The following YME1L1 variants were observed in gnomAD, a reference collection of about 807,000 sequenced individuals.
The protein encoded by YME1L1 is YME1 like 1 ATPase, also known as ATP-dependent zinc metalloprotease YME1L1.
In YME1L1, 39 loss-of-function variants were observed where a neutral mutation model predicts 90.4. That is an observed-to-expected ratio of 0.43 (90% confidence interval 0.33 to 0.56). The LOEUF (loss-of-function observed/expected upper bound fraction) is 0.56, where lower values mean the gene tolerates loss of function less well. Among genes scored for constraint, YME1L1 ranks in the 20% least tolerant of loss-of-function variants. The pLI is 0.03. For synonymous variants in YME1L1, 284 were observed against 287.3 expected (o/e 0.99, Z 0.12); for missense variants, 617 against 868.4 (o/e 0.71, Z 3.64).
chr10:27,119,165 T>C (rs1374399398), intron 14 of YME1L1, 129 bp downstream of exon 14: 3 of 947,436 alleles, frequency 3.2e-6, no homozygotes. Flanking sequence ...ACCCAGACAC[T>C]GAAGTTTTAG....
chr10:27,114,309 G>T (rs1030716588), intron 18 of YME1L1, among the ~76,000 whole-genome samples: 2 of 152,220 alleles, frequency 1.3e-5, no homozygotes, highest in Non-Finnish European at 2.9e-5. Flanking sequence ...GAACAGAGAG[G>T]TGCCTTAATA....
chr10:27,134,115 T>C lies in YME1L1; in HGVS notation c.699A>G (p.Leu233=). ...QALTQKTNDS[L]RRTRLILFVL... The stretch of plus-strand genomic sequence containing the variant: ...CGAAGAGAATCAGACGGGTTCGCCT[T>C]AGGGAATCTAGGAGAGAAAGAAAAA... The change falls in exon 7 of 19, where the codon CTA becomes CTG. Residue 233 remains leucine, a synonymous_variant. Transcript: ENST00000376016. The C allele has an allele frequency of 6.2e-7, 1 of 1,610,992 alleles. No individual in the cohort carries two copies. Among genetic ancestry groups the C allele is most frequent in the Non-Finnish European group, 8.5e-7 (1 of 1,178,648 alleles).
In YME1L1 at chr10:27,148,897, A is replaced by C; in HGVS notation, c.168+9T>G. 6.2e-7 allele frequency: 1 copy of C among 1,613,496 alleles called. No individual in the cohort carries two copies. The highest frequency in any genetic ancestry group is 8.5e-7 in the Non-Finnish European group (1 of 1,179,898). On this transcript the variant is annotated intron_variant, in intron 2 of 18. Transcript: ENST00000376016. ...AAGGCTTTCTCACACAACCAGGATA[A>C]AGACTTACCTCACTGCTGGGAGCCT... is the stretch of plus-strand genomic sequence containing the variant.
rs1018168973 is a variant in YME1L1, at chr10:27,154,367, G to A, written c.-157C>T. 3.1e-5 allele frequency: 26 copies of A among 829,038 alleles called. No homozygotes were observed. The African/African-American group carries it at 4.0e-4, about 13-fold the overall frequency. The allele number at this position is 829,038 out of a possible 1,614,324, so 51.4% of individuals were successfully genotyped here. A position where few individuals can be genotyped will look rare whatever the true frequency, so the allele number is the denominator to read the frequency against. On this transcript the variant is annotated 5_prime_UTR_variant, in exon 1 of 19. Coordinates refer to ENST00000376016, the MANE Select transcript of YME1L1 (RefSeq NM_014263.4). ...CGGAAAATGGCCTCCCCTTCCTACA[G>A]CTACTGCAACGACAGACAATCCGCC...
chr10:27,115,971 A>C, intron 17 of YME1L1, 89 bp downstream of exon 17: 1 of 1,179,868 alleles, frequency 8.5e-7, no homozygotes, highest in Non-Finnish European at 1.2e-6. Context: ...AGAAAAAGTG[A>C]ATATTACCAA....
intron 1 of YME1L1, among the ~76,000 whole-genome samples, chr10:27,149,265 T>C (rs903432034): frequency 2.6e-5 from 4 of 152,160 alleles, no homozygotes; most frequent in Non-Finnish European, 5.9e-5. Context: ...AATACATACA[T>C]TTCTTGTTTG....
chr10:27,136,414 CTATA>C, intron 4 of YME1L1, 29 bp from the exon 5 acceptor site: 1 of 1,565,330 alleles, frequency 6.4e-7, no homozygotes, highest in Non-Finnish European at 8.8e-7. Context: ...TTCACTGTCA[CTATA>C]AATTGTTACA....
rs1186952077 is a variant in YME1L1, at chr10:27,136,439, A to AATGCCT, written c.431-60_431-55dup. ...CTATAAATTGTTACAGGAAAAGAAA[A>AATGCCT]ATGCCTAAGATTCTAAAGTCTGACA... is the stretch of plus-strand genomic sequence containing the variant. On this transcript the variant is annotated intron_variant, in intron 4 of 18. Transcript: ENST00000376016. 2.1e-6 allele frequency: 3 copies of AATGCCT among 1,448,616 alleles called. No individual in the cohort carries two copies. In the African/African-American group the frequency reaches 4.2e-5, roughly 20 times the overall value. The allele number at this position is 1,448,616 out of a possible 1,614,324, so 89.7% of individuals were successfully genotyped here.
At chr10:27,138,141 T>C (rs978033107) in intron 4 of YME1L1, among the ~76,000 whole-genome samples, 1 of 152,142 alleles carries the variant, frequency 6.6e-6, no homozygotes, top group African/African-American at 2.4e-5. Context: ...CATTTGCTTA[T>C]TGATTCAAAA....
In YME1L1 at chr10:27,120,451, T is replaced by C; in HGVS notation, c.1395A>G (p.Lys465=). ...RTEILKWYLN[K]IKFDQSVDPE... ...GATACTTACATTGATCAAACTTTAT[T>C]TTATTGAGATACCATTTCAAAATTT... The change falls in exon 13 of 19, where the codon AAA becomes AAG. Residue 465 remains lysine (K), a synonymous_variant. Transcript: ENST00000376016. The C allele has an allele frequency of 6.2e-7, 1 of 1,612,874 alleles. No individual in the cohort carries two copies. The highest frequency in any genetic ancestry group is 8.5e-7 in the Non-Finnish European group (1 of 1,179,056).
At chr10:27,117,279 A>C (rs540118051) in intron 15 of YME1L1, among the ~76,000 whole-genome samples, 1 of 152,332 alleles carries the variant, frequency 6.6e-6, no homozygotes, top group Non-Finnish European at 1.5e-5. Context: ...TAGATATTTA[A>C]GAATTAGGCA....
chr10:27,153,653 C>T (rs945085195), intron 1 of YME1L1, among the ~76,000 whole-genome samples: 4 of 152,150 alleles, frequency 2.6e-5, no homozygotes, highest in African/African-American at 9.7e-5. Flanking sequence ...CGGAAATACA[C>T]ATTTTAGTTA....
rs1260560208 is a variant in YME1L1, at chr10:27,116,139, A to G, written c.1847-6T>C. The G allele has an allele frequency of 3.1e-6, 5 of 1,613,784 alleles. No individual in the cohort carries two copies. The highest frequency in any genetic ancestry group is 1.7e-6 in the Non-Finnish European group (2 of 1,179,892). On this transcript the variant is annotated splice_polypyrimidine_tract_variant and splice_region_variant and intron_variant, in intron 16 of 18. Coordinates refer to ENST00000376016, the MANE Select transcript of YME1L1 (RefSeq NM_014263.4). ...ATCAAAATCACTGGAAGCACCTAAAATAAAATAAAAACATACCATTTTAAA... is the reference window on the plus strand; with the variant it reads ...ATCAAAATCACTGGAAGCACCTAAAGTAAAATAAAAACATACCATTTTAAA...
rs1159365879 is a variant in YME1L1, at chr10:27,123,539, A to G, written c.1102+8T>C. 1.9e-6 allele frequency: 3 copies of G among 1,613,354 alleles called. No individual in the cohort carries two copies. Among genetic ancestry groups the G allele is most frequent in the Admixed American group, 1.7e-5 (1 of 59,922 alleles). The stretch of plus-strand genomic sequence containing the variant: ...TTAGCACTGCATCAAAGATACACCA[A>G]AACGTACTAAAAAGATTTCTGATAC... On this transcript the variant is annotated splice_region_variant and intron_variant, in intron 10 of 18. Transcript: ENST00000376016.
At chr10:27,134,252 T>C in intron 6 of YME1L1, 130 bp from the exon 7 acceptor site, 1 of 736,998 alleles carries the variant, frequency 1.4e-6, no homozygotes, top group Non-Finnish European at 2.2e-6. Flanking sequence ...TGGCATTCTT[T>C]CTCACAACTG....
intron 8 of YME1L1, among the ~76,000 whole-genome samples, chr10:27,128,618 A>T (rs1251104126): frequency 6.6e-6 from 1 of 151,940 alleles, no homozygotes; most frequent in African/African-American, 2.4e-5. Flanking sequence ...AAAGAAAGAT[A>T]AATCAGCTGG....
chr10:27,140,541 C>T (rs113024773), intron 4 of YME1L1, among the ~76,000 whole-genome samples: 8,524 of 152,106 alleles, frequency 0.056, 251 homozygotes, highest in African/African-American at 0.083. Flanking sequence ...TTCAGTGGCG[C>T]GGTCTCGGCT....
chr10:27,122,969 T>C lies in YME1L1; in HGVS notation c.1107A>G (p.Glu369=). ...TAACACAAGGAGCATTCGCCTTTGC[T>C]TCCCCTAAGAAAACAAAAAACATTC... The part of the protein sequence containing the change: ...GASRIRNLFR[E]AKANAPCVIF... The change falls in exon 11 of 19, where the codon GAA becomes GAG. Residue 369 remains glutamate, a synonymous_variant. Coordinates refer to ENST00000376016, the MANE Select transcript of YME1L1 (RefSeq NM_014263.4). 1 of 1,609,736 alleles carries C rather than the reference T, an allele frequency of 6.2e-7. No homozygotes were observed. The highest frequency in any genetic ancestry group is 8.5e-7 in the Non-Finnish European group (1 of 1,178,888).
At chr10:27,131,196 T>C (rs2056974396) in intron 8 of YME1L1, among the ~76,000 whole-genome samples, 1 of 152,258 alleles carries the variant, frequency 6.6e-6, no homozygotes, top group African/African-American at 2.4e-5. Context: ...CAATCCTCTT[T>C]ACCCTGCTCT....
Sources: gnomAD v4.1 joint callset for allele counts (sites outside exome capture counted in the v4.1 genomes callset) on GRCh38, gnomAD v4.1.1 for gene constraint, MANE v1.5 for transcripts, NCBI Gene and HGNC (gene_info 2026-07-23, HGNC 2026-07-21) for gene names.